The following STK39 variants were observed in gnomAD, a reference collection of about 807,000 sequenced individuals.
STK39 encodes STE20/SPS1-related proline-alanine-rich protein kinase.
STK39 carries 20 observed loss-of-function variants against 77.8 expected under a neutral mutation model. That is an observed-to-expected ratio of 0.26 (90% CI 0.18 to 0.37). The LOEUF (loss-of-function observed/expected upper bound fraction) is 0.37, where lower values mean the gene tolerates loss of function less well. Ranked by LOEUF, STK39 falls within the 10% of genes least tolerant of loss-of-function variation. The pLI, the probability that STK39 is intolerant of heterozygous loss-of-function variation, is 1.00. For synonymous variants in STK39, 246 were observed against 234.1 expected (o/e 1.05, Z -0.47); for missense variants, 479 against 656.5 (o/e 0.73, Z 2.95).
intron 10 of STK39, among the ~76,000 whole-genome samples, chr2:168,102,870 T>C (rs922240145): frequency 5.8e-5 from 8 of 137,168 alleles, no homozygotes; most frequent in East Asian, 2.1e-4. Flanking sequence ...GCGGAGCTTG[T>C]AGTGAGCCGA....
intron 1 of STK39, among the ~76,000 whole-genome samples, chr2:168,242,626 G>A (rs1334926395): frequency 3.5e-5 from 5 of 142,318 alleles, no homozygotes; most frequent in African/African-American, 1.3e-4. Flanking sequence ...GCTCACGCCT[G>A]TAATCCCAAC....
chr2:168,004,997 CTTTTTTTT>C (rs10563812), intron 16 of STK39, among the ~76,000 whole-genome samples: 2 of 77,542 alleles, frequency 2.6e-5, no homozygotes, highest in Non-Finnish European at 4.6e-5. Context: ...AGAAGGCCCT[CTTTTTTTT>C]TTTTTTTTTT....
intron 14 of STK39, among the ~76,000 whole-genome samples, chr2:168,023,615 T>TTACC (rs1315926606): frequency 6.6e-6 from 1 of 152,180 alleles, no homozygotes; most frequent in Non-Finnish European, 1.5e-5. Context: ...CAGCCTCACA[T>TTACC]TACCGTCTCT....
intron 14 of STK39, among the ~76,000 whole-genome samples, chr2:168,028,634 A>T (rs1383641175): frequency 6.6e-6 from 1 of 152,202 alleles, no homozygotes; most frequent in Non-Finnish European, 1.5e-5. Flanking sequence ...CATGCTCACT[A>T]TGTAAGGATC....
At chr2:167,963,536 A>AAC (rs1553506932) in intron 17 of STK39, among the ~76,000 whole-genome samples, 3 of 149,722 alleles carry the variant, frequency 2.0e-5, no homozygotes, top group African/African-American at 5.1e-5. Flanking sequence ...AAAAAAAAAA[A>AAC]ACACACACAT....
chr2:168,195,351 G>A (rs1285615976), intron 1 of STK39, among the ~76,000 whole-genome samples: 3 of 152,134 alleles, frequency 2.0e-5, no homozygotes, highest in Admixed American at 1.3e-4. Flanking sequence ...AGTGAGCCAC[G>A]ATGGCACTAC....
intron 14 of STK39, among the ~76,000 whole-genome samples, chr2:168,059,604 CATGAGTT>C (rs893771637): frequency 2.6e-5 from 4 of 152,136 alleles, no homozygotes; most frequent in Admixed American, 6.5e-5. Flanking sequence ...GGGAGAGGAC[CATGAGTT>C]CCGATGAGCA....
At chr2:168,065,228 C>A in intron 13 of STK39, 91 bp downstream of exon 13, 3 of 1,401,160 alleles carry the variant, frequency 2.1e-6, no homozygotes, top group Non-Finnish European at 3.0e-6. Context: ...GGAGGCACTA[C>A]CTTGAAATTG....
chr2:168,078,856 G>A (rs370321397), intron 10 of STK39, among the ~76,000 whole-genome samples: 1 of 151,978 alleles, frequency 6.6e-6, no homozygotes, highest in Admixed American at 6.6e-5. Flanking sequence ...CCTTCGGTGG[G>A]AATCCTGCAC....
chr2:168,003,818 A>G (rs1350342182), intron 16 of STK39, among the ~76,000 whole-genome samples: 1 of 152,236 alleles, frequency 6.6e-6, no homozygotes, highest in Non-Finnish European at 1.5e-5. Context: ...TCAAAATCAT[A>G]GTACAGTTGT....
At chr2:168,087,123 G>C (rs1343634350) in intron 10 of STK39, among the ~76,000 whole-genome samples, 1 of 152,218 alleles carries the variant, frequency 6.6e-6, no homozygotes, top group Non-Finnish European at 1.5e-5. Flanking sequence ...CATCATGTAA[G>C]ACCAAAGGAA....
chr2:168,137,186 C>G (rs76973639), intron 8 of STK39, among the ~76,000 whole-genome samples: 7,712 of 152,220 alleles, frequency 0.051, 683 homozygotes, highest in African/African-American at 0.18. Flanking sequence ...ACAGCAGAGT[C>G]CTTCCCTGAA....
chr2:168,138,511 T>G (rs1469632434), intron 7 of STK39, among the ~76,000 whole-genome samples: 1 of 152,168 alleles, frequency 6.6e-6, no homozygotes, highest in African/African-American at 2.4e-5. Context: ...TGTACTGCCT[T>G]GAGGAGCACG....
chr2:168,126,140 G>C (rs1687535125), intron 10 of STK39, among the ~76,000 whole-genome samples: 1 of 152,064 alleles, frequency 6.6e-6, no homozygotes, highest in South Asian at 2.1e-4. Flanking sequence ...CACAGGCCCA[G>C]GTATCATTTA....
At chr2:168,222,622 C>T (rs967870158) in intron 1 of STK39, among the ~76,000 whole-genome samples, 2 of 152,052 alleles carry the variant, frequency 1.3e-5, no homozygotes, top group East Asian at 1.9e-4. Flanking sequence ...ACAAATAAAA[C>T]CAGTTAGAGG....
At chr2:168,221,788 G>C (rs1389490280) in intron 1 of STK39, among the ~76,000 whole-genome samples, 1 of 152,084 alleles carries the variant, frequency 6.6e-6, no homozygotes, top group African/African-American at 2.4e-5. Context: ...TAGCAACGCT[G>C]GCACTCACCG....
chr2:168,216,548 T>C (rs1690029298), intron 1 of STK39, among the ~76,000 whole-genome samples: 1 of 152,222 alleles, frequency 6.6e-6, no homozygotes, highest in Admixed American at 6.5e-5. Flanking sequence ...AGGAAATTCC[T>C]AGGTTTGGAC....
chr2:168,213,304 T>C (rs941454739), intron 1 of STK39, among the ~76,000 whole-genome samples: 7 of 152,214 alleles, frequency 4.6e-5, no homozygotes, highest in South Asian at 2.1e-4. Flanking sequence ...CCTCAAATGA[T>C]TGCCATGAGT....
At chr2:168,176,233 C>CA (rs1688952819) in intron 2 of STK39, among the ~76,000 whole-genome samples, 2 of 151,878 alleles carry the variant, frequency 1.3e-5, no homozygotes, top group Admixed American at 6.6e-5. Context: ...ACAAGCTTTG[C>CA]AAAAGTATTA....
Sources: allele counts gnomAD v4.1 joint callset (sites outside exome capture counted in the v4.1 genomes callset), GRCh38; gene constraint gnomAD v4.1.1; transcripts MANE v1.5; gene names NCBI Gene and HGNC (gene_info 2026-07-23, HGNC 2026-07-21).